The following DIAPH2 variants were observed in gnomAD, a reference collection of about 807,000 sequenced individuals.
DIAPH2 encodes the protein diaphanous related formin 2, also known as protein diaphanous homolog 2.
DIAPH2 carries 35 observed loss-of-function variants against 92.7 expected under a neutral mutation model. The ratio of observed to expected loss-of-function variants is 0.38; its 90% confidence interval spans 0.29 to 0.50. The LOEUF (loss-of-function observed/expected upper bound fraction) is 0.50. DIAPH2 is among the 20% of genes least tolerant of loss of function. DIAPH2 has a pLI of 0.94. For synonymous variants in DIAPH2, 301 were observed against 280.4 expected, an observed-to-expected ratio of 1.07 and a Z score of -0.73; for missense variants, 701 against 819.5, an observed-to-expected ratio of 0.86 and a Z score of 1.77.
chrX:96,745,098 C>T (rs1157874448), intron 3 of DIAPH2, among the ~76,000 whole-genome samples: 2 of 109,271 alleles, frequency 1.8e-5, no homozygotes, highest in African/African-American at 6.7e-5. Context: ...CCTCCACCTC[C>T]TGGGTTGAAG....
intron 22 of DIAPH2, among the ~76,000 whole-genome samples, chrX:97,144,074 G>A (rs1022577635): frequency 5.4e-5 from 6 of 111,673 alleles, no homozygotes; most frequent in Admixed American, 4.8e-4. Flanking sequence ...TTCTGGCCTG[G>A]TGCAATGGCT....
At chrX:97,082,679 T>A (rs1045363647) in intron 19 of DIAPH2, among the ~76,000 whole-genome samples, 1 of 111,073 alleles carries the variant, frequency 9.0e-6, no homozygotes, top group Non-Finnish European at 1.9e-5. Flanking sequence ...TAAAACTTGG[T>A]AAGTGGCCTC....
At chrX:96,824,861 C>T (rs915791434) in intron 4 of DIAPH2, among the ~76,000 whole-genome samples, 31 of 111,550 alleles carry the variant, frequency 2.8e-4, no homozygotes, top group African/African-American at 8.8e-4. Context: ...TAAGGTGAGA[C>T]ATTTAATCCC....
At chrX:97,572,948 A>T (rs1439064742) in intron 26 of DIAPH2, among the ~76,000 whole-genome samples, 1 of 112,058 alleles carries the variant, frequency 8.9e-6, no homozygotes, top group East Asian at 2.8e-4. Flanking sequence ...CCCAGCATGG[A>T]TCTTGGCCCT....
rs181666839 is a variant in DIAPH2 at position 97,213,476 on chromosome X, G to C, written c.2720-34239G>C. Among the ~76,000 whole-genome samples the C allele has an allele frequency of 2.1e-3, 235 of 111,726 alleles. 2 individuals carry two copies. Among genetic ancestry groups the C allele is most frequent in the African/African-American group, 7.1e-3 (219 of 30,838 alleles). On this transcript the variant is annotated intron_variant, in intron 22 of 26. Transcript: ENST00000324765. ...ATCATCAAGACAAACAACTAAGCCA[G>C]TTCTTTATTTCCTGTCAAATTGCTG...
chrX:97,078,700 T>C (rs1337465120), intron 19 of DIAPH2, among the ~76,000 whole-genome samples: 1 of 111,584 alleles, frequency 9.0e-6, no homozygotes, highest in Admixed American at 9.6e-5. Flanking sequence ...TATTTAAATG[T>C]AATTGGTATT....
At chrX:97,050,796 T>C (rs1253322347) in intron 17 of DIAPH2, among the ~76,000 whole-genome samples, 4 of 111,785 alleles carry the variant, frequency 3.6e-5, no homozygotes, top group Admixed American at 2.8e-4. Flanking sequence ...ATTTCTCTTT[T>C]ATTTTTTACA....
chrX:97,590,807 C>T (rs1420083292), intron 26 of DIAPH2, among the ~76,000 whole-genome samples: 1 of 111,628 alleles, frequency 9.0e-6, no homozygotes, highest in Non-Finnish European at 1.9e-5. Flanking sequence ...AGAACCTCTT[C>T]GGAAGATTTC....
intron 15 of DIAPH2, chrX:96,953,886 T>G (rs2065792594): frequency 8.9e-6 from 1 of 112,062 alleles, no homozygotes; most frequent in African/African-American, 3.2e-5. Flanking sequence ...TTCTGGGATA[T>G]AGCCTTCTGG....
intron 19 of DIAPH2, among the ~76,000 whole-genome samples, chrX:97,080,528 C>A (rs971764718): frequency 9.6e-5 from 10 of 104,488 alleles, no homozygotes; most frequent in African/African-American, 3.2e-4. Flanking sequence ...TTTCTGAAGC[C>A]CATTTGAGTA....
intron 17 of DIAPH2, among the ~76,000 whole-genome samples, chrX:96,980,073 C>T (rs925729858): frequency 9.0e-6 from 1 of 111,278 alleles, no homozygotes; most frequent in Non-Finnish European, 1.9e-5. Flanking sequence ...ACAGGCAAAG[C>T]GCTTATAGCC....
chrX:97,161,930 T>C (rs1210581157), intron 22 of DIAPH2, among the ~76,000 whole-genome samples: 2 of 111,750 alleles, frequency 1.8e-5, no homozygotes, highest in Non-Finnish European at 3.8e-5. Flanking sequence ...TTATAGTCTC[T>C]TCATCTGTAA....
intron 22 of DIAPH2, 86 bp from the exon 23 acceptor site, chrX:97,247,629 A>G (rs1216994301): frequency 3.3e-6 from 3 of 915,745 alleles, no homozygotes; most frequent in African/African-American, 4.0e-5. Flanking sequence ...TTTAAAAAAA[A>G]AGACTTTAAC....
Position 96,918,522 on chromosome X carries a change from T to C in DIAPH2, c.883T>C (p.Leu295=). The C allele has an allele frequency of 8.4e-7, 1 of 1,197,311 alleles. No individual in the cohort carries two copies. Among genetic ancestry groups the C allele is most frequent in the East Asian group, 3.0e-5 (1 of 33,616 alleles). The part of the protein sequence containing the change: ...VGEENILDKL[L]GAITTAAERN... ...TTTTCTCTACAGTCTAGATAAACTT[T>C]TAGGGGCTATAACAACAGCAGCAGA... is the stretch of plus-strand genomic sequence containing the variant. The change falls in exon 9 of 27, where the codon TTA becomes CTA. Residue 295 remains leucine (L), a synonymous_variant. Coordinates refer to ENST00000324765, the MANE Select transcript of DIAPH2 (RefSeq NM_006729.5).
At chrX:96,969,727 T>A (rs1001509210) in intron 17 of DIAPH2, among the ~76,000 whole-genome samples, 2 of 111,564 alleles carry the variant, frequency 1.8e-5, no homozygotes, top group African/African-American at 6.5e-5. Context: ...CTTTTATTTC[T>A]TTCTCTTGCC....
At position 97,082,238 on chromosome X, in the gene DIAPH2, C is replaced by A. The variant is rs368521943; in HGVS notation, c.2247+6977C>A. Reference sequence around the variant, plus strand: ...GACACTTTAAACCATGGTAGAACTTCATTAGAATTTTGATTCTTTCATACT... The same window carrying A: ...GACACTTTAAACCATGGTAGAACTTAATTAGAATTTTGATTCTTTCATACT... On this transcript the variant is annotated intron_variant, in intron 19 of 26. Coordinates refer to ENST00000324765, the MANE Select transcript of DIAPH2 (RefSeq NM_006729.5). 9.9e-5 allele frequency among the ~76,000 whole-genome samples: 11 copies of A among 110,585 alleles called. No homozygotes were observed. The East Asian group carries it at 3.1e-3, about 31-fold the overall frequency.
intron 19 of DIAPH2, among the ~76,000 whole-genome samples, chrX:97,078,923 A>G (rs2066722995): frequency 9.0e-6 from 1 of 110,753 alleles, no homozygotes; most frequent in Non-Finnish European, 1.9e-5. Context: ...TTTTTCTGGT[A>G]TAGATAAGCC....
intron 4 of DIAPH2, among the ~76,000 whole-genome samples, chrX:96,870,443 T>A (rs1349114092): frequency 9.5e-6 from 1 of 104,884 alleles, no homozygotes; most frequent in African/African-American, 3.5e-5. Flanking sequence ...TTGTATTTTT[T>A]TTTTTTTTTT....
intron 17 of DIAPH2, among the ~76,000 whole-genome samples, chrX:97,057,582 G>A (rs1362402973): frequency 1.8e-5 from 2 of 111,820 alleles, no homozygotes; most frequent in African/African-American, 6.5e-5. Context: ...TCATGACACC[G>A]TAGGTAATTG....
Sources: allele counts gnomAD v4.1 joint callset (sites outside exome capture counted in the v4.1 genomes callset), GRCh38; gene constraint gnomAD v4.1.1; transcripts MANE v1.5; gene names NCBI Gene and HGNC (gene_info 2026-07-23, HGNC 2026-07-21).